The following OXTR variants were observed in gnomAD, a reference collection of about 807,000 sequenced individuals.
OXTR encodes the protein oxytocin receptor.
OXTR carries 19 observed loss-of-function variants against 23.9 expected under a neutral mutation model. That is an observed-to-expected ratio of 0.80 (90% CI 0.56 to 1.17). The LOEUF is 1.17. OXTR is among the 50% of genes most tolerant of loss of function. The probability of loss-of-function intolerance (pLI) is 0.00; values close to 1 mark genes in which losing one functional copy is unlikely to be tolerated. For missense variants in OXTR, 500 were observed against 550.7 expected (o/e 0.91, Z 0.92); for synonymous variants, 278 against 250.5 (o/e 1.11, Z -1.04).
intron 3 of OXTR, among the ~76,000 whole-genome samples, chr3:8,754,585 G>T (rs925356803): frequency 1.3e-5 from 2 of 152,212 alleles, no homozygotes; most frequent in Non-Finnish European, 2.9e-5. Context: ...TCTAGATGTG[G>T]CCACTGATGA....
chr3:8,742,288 C>T, the OXTR span, among the ~76,000 whole-genome samples: 90 of 151,672 alleles, frequency 5.9e-4, no homozygotes, highest in Admixed American at 1.8e-3. Flanking sequence ...AGAGCACTTG[C>T]CCCACACACA....
chr3:8,762,222 C>T lies in OXTR; in HGVS notation c.922+5044G>A, dbSNP rs376821371. On this transcript the variant is annotated intron_variant, in intron 3 of 3. Transcript: ENST00000316793. ...CCCCTCTTCCCCTCCTCACCCCTCC[C>T]GAAACCCACACAGACAGCCATCAAA... Among the ~76,000 whole-genome samples, 9 of 152,310 alleles carry T rather than the reference C, an allele frequency of 5.9e-5. No individual in the cohort carries two copies. The East Asian group carries it at 7.7e-4, about 13-fold the overall frequency.
chr3:8,742,578 T>C, the OXTR span: 1 of 451,700 alleles, frequency 2.2e-6, no homozygotes, highest in Non-Finnish European at 4.4e-6. Context: ...TTCTCAGATG[T>C]ATTTTCGAGG....
Position 8,767,973 on chromosome 3 carries a change from G to C in OXTR, c.215C>G (p.Ser72Trp). The C allele has an allele frequency of 6.2e-7, 1 of 1,612,304 alleles. No individual in the cohort carries two copies. The highest frequency in any genetic ancestry group is 1.3e-5 in the African/African-American group (1 of 74,984). ...GTGCTTCATGAAGAAGAAGAGGCGC[G>C]AGTGCTTCTGGCGTGTGGTGCGCAG... ...LALRTTRQKH[S>W]RLFFFMKHLS... The change falls in exon 3 of 4, where the codon TCG (serine) becomes TGG (tryptophan). Residue 72 changes from serine (S) to tryptophan (W), a missense_variant. Physicochemically the swap from Ser to Trp is radical, Grantham distance 177 (BLOSUM62 -3). Coordinates refer to ENST00000316793, the MANE Select transcript of OXTR (RefSeq NM_000916.4).
At chr3:8,742,823 G>A in the OXTR span, among the ~76,000 whole-genome samples, 3 of 152,212 alleles carry the variant, frequency 2.0e-5, no homozygotes, top group Admixed American at 2.0e-4. Flanking sequence ...AGATGAATGA[G>A]TGGATAGATG....
chr3:8,768,313 G>C lies in OXTR; in HGVS notation c.-126C>G, dbSNP rs1211234168. 1 of 1,211,948 alleles carries C rather than the reference G, an allele frequency of 8.3e-7. No homozygotes were observed. The allele number at this position is 1,211,948 out of a possible 1,614,324, so 75.1% of individuals were successfully genotyped here. On this transcript the variant is annotated 5_prime_UTR_variant, in exon 3 of 4. The change creates a new upstream start codon in the 5' untranslated region. Transcript: ENST00000316793. The surrounding 1 kb of genome is among the most constrained non-coding windows in gnomAD (Gnocchi z 5.4). ...TCCACTCCTGGAGACTCCACGGACG[G>C]ATCTGCTGGGTCCACCCTGAAACAA...
chr3:8,743,970 A>AT, the OXTR span, among the ~76,000 whole-genome samples: 1 of 152,044 alleles, frequency 6.6e-6, no homozygotes, highest in Non-Finnish European at 1.5e-5. Context: ...AGAGGAGAGG[A>AT]TCCCCTCCCC....
downstream of OXTR, among the ~76,000 whole-genome samples, chr3:8,749,195 G>A (rs886466948): frequency 5.3e-5 from 8 of 152,152 alleles, no homozygotes; most frequent in African/African-American, 1.9e-4. Flanking sequence ...GGAGATGGGT[G>A]GGGGTCGGGG....
downstream of OXTR, among the ~76,000 whole-genome samples, chr3:8,747,517 A>G (rs1708191127): frequency 6.6e-6 from 1 of 152,216 alleles, no homozygotes; most frequent in Non-Finnish European, 1.5e-5. Context: ...TGTAGAGATC[A>G]GCACATTTTA....
the OXTR span, among the ~76,000 whole-genome samples, chr3:8,743,234 T>C: frequency 2.0e-5 from 3 of 152,152 alleles, no homozygotes; most frequent in African/African-American, 7.2e-5. Flanking sequence ...ACAAACATCC[T>C]AACCATCTCA....
At chr3:8,742,426 C>T in the OXTR span, 20 of 415,950 alleles carry the variant, frequency 4.8e-5, no homozygotes, top group East Asian at 2.2e-4. Flanking sequence ...AAGCCATTGG[C>T]GGTAGGATTA....
intron 3 of OXTR, among the ~76,000 whole-genome samples, chr3:8,755,573 G>GCCTC (rs1176940326): frequency 6.6e-6 from 1 of 152,154 alleles, no homozygotes; most frequent in Admixed American, 6.5e-5. Flanking sequence ...CAATCCTTCC[G>GCCTC]CCTCCAAGAG....
chr3:8,753,411 G>A (rs1248982150), intron 3 of OXTR, among the ~76,000 whole-genome samples, 187 bp from the exon 4 acceptor site: 1 of 152,168 alleles, frequency 6.6e-6, no homozygotes, highest in African/African-American at 2.4e-5. Flanking sequence ...TCCTGGACAT[G>A]CCCTCAGGCT....
chr3:8,760,586 C>T (rs1575487295), intron 3 of OXTR, among the ~76,000 whole-genome samples: 1 of 152,214 alleles, frequency 6.6e-6, no homozygotes, highest in African/African-American at 2.4e-5. Context: ...GATGAGGCTG[C>T]CATGTTCAGC....
intron 3 of OXTR, among the ~76,000 whole-genome samples, chr3:8,753,695 T>C (rs1708317713): frequency 6.6e-6 from 1 of 152,156 alleles, no homozygotes; most frequent in Non-Finnish European, 1.5e-5. Context: ...TTCCTAATCT[T>C]TAAATGGGCA....
chr3:8,767,199 G>A, intron 3 of OXTR, 67 bp downstream of exon 3: 1 of 1,449,040 alleles, frequency 6.9e-7, no homozygotes, highest in Non-Finnish European at 9.2e-7. Context: ...GACATTCTGA[G>A]GCAGCAAGAT....
chr3:8,767,297 C>A lies in OXTR; in HGVS notation c.891G>T (p.Trp297Cys). The A allele has an allele frequency of 6.3e-7, 1 of 1,582,630 alleles. No homozygotes were observed. The highest frequency in any genetic ancestry group is 1.2e-5 in the South Asian group (1 of 85,916). Residue 297 changes from tryptophan to cysteine, a missense_variant, in exon 3 of 4, where the codon TGG (tryptophan) becomes TGT (cysteine). Trp to Cys is a radical substitution (Grantham distance 215). Transcript: ENST00000316793. Reference protein sequence around the residue: ...CWTPFFFVQMWSVWDANAPKE... With the variant: ...CWTPFFFVQMCSVWDANAPKE... Reference sequence around the variant, plus strand: ...TGGGCGCGTTGGCATCCCAGACGCTCCACATCTGCACGAAGAAGAAAGGCG... The same window carrying A: ...TGGGCGCGTTGGCATCCCAGACGCTACACATCTGCACGAAGAAGAAAGGCG...
rs780073027 is a variant in OXTR at position 8,753,076 on chromosome 3, C to T, written c.1071G>A (p.Leu357=). 1 of 1,614,160 alleles carries T rather than the reference C, an allele frequency of 6.2e-7. No individual in the cohort carries two copies. The highest frequency in any genetic ancestry group is 8.5e-7 in the Non-Finnish European group (1 of 1,180,028). The change falls in exon 4 of 4, where the codon CTG becomes CTA. Residue 357 remains leucine, a synonymous_variant. Transcript: ENST00000316793. Reference sequence around the variant, plus strand: ...TCTTTTTGCTGGCACTCGTCTCTCCCAGGCGTCTGCCCTTCAGGTAGCTGG... The same window carrying T: ...TCTTTTTGCTGGCACTCGTCTCTCCTAGGCGTCTGCCCTTCAGGTAGCTGG... ...CSASYLKGRR[L]GETSASKKSN...
chr3:8,757,414 C>T (rs1048857902), intron 3 of OXTR, among the ~76,000 whole-genome samples: 4 of 151,056 alleles, frequency 2.6e-5, no homozygotes, highest in Non-Finnish European at 5.9e-5. Context: ...GCCCATTTTC[C>T]CAACACTTCT....
Sources: gnomAD v4.1 joint callset for allele counts (sites outside exome capture counted in the v4.1 genomes callset) on GRCh38, gnomAD v4.1.1 for gene constraint, Gnocchi (gnomAD v3.1) non-coding constraint, MANE v1.5 for transcripts, NCBI Gene and HGNC (gene_info 2026-07-23, HGNC 2026-07-21) for gene names.